DLGAP1: variants seen among roughly 807,000 people sequenced by gnomAD.
DLGAP1 encodes DLG associated protein 1.
DLGAP1 carries 11 observed loss-of-function variants against 90.8 expected under a neutral mutation model. The observed-to-expected ratio is 0.12, with a 90% CI of 0.08 to 0.20. The LOEUF is 0.20. Ranked by LOEUF, DLGAP1 falls within the 10% of genes least tolerant of loss-of-function variation. The probability of loss-of-function intolerance (pLI) is 1.00; values close to 1 mark genes in which losing one functional copy is unlikely to be tolerated. For missense variants in DLGAP1, 1,050 were observed against 1,333.8 expected (o/e 0.79, Z 3.31); for synonymous variants, 558 against 540.7 (o/e 1.03, Z -0.44).
At position 3,880,008 on chromosome 18, in the gene DLGAP1, C is replaced by G; in HGVS notation, c.61G>C (p.Asp21His). 11 of 1,610,016 alleles carry G rather than the reference C, an allele frequency of 6.8e-6. No individual in the cohort carries two copies. The highest frequency in any genetic ancestry group is 9.3e-6 in the Non-Finnish European group (11 of 1,179,902). ...CGGTCGGAGTGGTGCGACAGCGAGT[C>G]ACAGGCCGAGTCGCAGGTGACCCCG... is the stretch of plus-strand genomic sequence containing the variant. Reference protein sequence around the residue: ...HHGVTCDSACDSLSHHSDRKP... With the variant: ...HHGVTCDSACHSLSHHSDRKP... Residue 21 changes from aspartate to histidine, a missense_variant, in exon 4 of 13, where the codon GAC becomes CAC. Transcript: ENST00000315677.
At chr18:3,604,473 TACAC>T (rs1385139602) in intron 7 of DLGAP1, 4 of 149,700 alleles carry the variant, frequency 2.7e-5, no homozygotes, top group Non-Finnish European at 5.9e-5. Flanking sequence ...CACACACACA[TACAC>T]ACAAAAGAAT....
intron 1 of DLGAP1, among the ~76,000 whole-genome samples, chr18:4,414,056 T>C (rs773899567): frequency 3.3e-5 from 5 of 152,212 alleles, no homozygotes; most frequent in African/African-American, 4.8e-5. Context: ...ACACTGACTA[T>C]GTGAAGCTGG....
At chr18:4,313,178 C>T (rs991290478) in intron 1 of DLGAP1, among the ~76,000 whole-genome samples, 4 of 151,998 alleles carry the variant, frequency 2.6e-5, no homozygotes, top group African/African-American at 9.7e-5. Context: ...TGTCACTGCA[C>T]GAAGCTTGTA....
chr18:4,206,509 T>A (rs1039356536), intron 1 of DLGAP1, among the ~76,000 whole-genome samples: 3 of 152,106 alleles, frequency 2.0e-5, no homozygotes, highest in Non-Finnish European at 4.4e-5. Flanking sequence ...GTGATGCCCA[T>A]GGGAGGGAAA....
At chr18:3,970,670 C>G (rs1046790455) in intron 3 of DLGAP1, among the ~76,000 whole-genome samples, 4 of 152,242 alleles carry the variant, frequency 2.6e-5, no homozygotes, top group East Asian at 3.9e-4. Context: ...CAGTTTCACT[C>G]TTAGTTTTTA....
intron 4 of DLGAP1, among the ~76,000 whole-genome samples, chr18:3,849,177 T>C (rs1419497839): frequency 6.6e-6 from 1 of 152,226 alleles, no homozygotes; most frequent in Non-Finnish European, 1.5e-5. Flanking sequence ...GGGCATGCTT[T>C]GCTGAACATC....
At chr18:4,121,579 C>A (rs1227471453) in intron 2 of DLGAP1, among the ~76,000 whole-genome samples, 4 of 152,032 alleles carry the variant, frequency 2.6e-5, no homozygotes, top group African/African-American at 9.7e-5. Context: ...CCTGTTAGGT[C>A]AATTTAGCCA....
chr18:4,003,780 T>C (rs2074246497), intron 3 of DLGAP1, among the ~76,000 whole-genome samples: 1 of 152,154 alleles, frequency 6.6e-6, no homozygotes, highest in African/African-American at 2.4e-5. Flanking sequence ...ATAAGTGTAT[T>C]TATCTTCACT....
intron 4 of DLGAP1, among the ~76,000 whole-genome samples, chr18:3,854,482 GA>G (rs1162779237): frequency 2.0e-5 from 3 of 152,158 alleles, no homozygotes; most frequent in African/African-American, 7.2e-5. Context: ...GAGCGATTTA[GA>G]AACAAGTTGT....
chr18:4,259,312 T>G (rs62086525), intron 1 of DLGAP1, among the ~76,000 whole-genome samples: 3,158 of 152,300 alleles, frequency 0.021, 38 homozygotes, highest in East Asian at 0.042. Flanking sequence ...TGGAACAAAC[T>G]GAAAGATGTA....
chr18:3,641,586 T>TATACAC (rs377536387), intron 7 of DLGAP1, among the ~76,000 whole-genome samples: 178 of 135,488 alleles, frequency 1.3e-3, no homozygotes, highest in East Asian at 0.012. Context: ...CATATATATA[T>TATACAC]ACACACACAC....
chr18:3,613,668 CT>C (rs1454904949), intron 7 of DLGAP1, among the ~76,000 whole-genome samples: 1 of 152,106 alleles, frequency 6.6e-6, no homozygotes, highest in Non-Finnish European at 1.5e-5. Flanking sequence ...GCCCAGTACT[CT>C]TAGGAAGTAT....
chr18:4,174,321 T>C (rs1053861736), intron 1 of DLGAP1, among the ~76,000 whole-genome samples: 2 of 149,398 alleles, frequency 1.3e-5, no homozygotes, highest in Admixed American at 1.3e-4. Flanking sequence ...TCATTGTTTT[T>C]ATTTTATTTT....
intron 10 of DLGAP1, among the ~76,000 whole-genome samples, chr18:3,520,771 T>C (rs1006016066): frequency 6.6e-6 from 1 of 152,230 alleles, no homozygotes; most frequent in African/African-American, 2.4e-5. Flanking sequence ...TAGCAAATTA[T>C]TACATTCCCT....
intron 2 of DLGAP1, among the ~76,000 whole-genome samples, chr18:4,050,608 G>A (rs1461419686): frequency 5.3e-5 from 8 of 152,190 alleles, no homozygotes; most frequent in African/African-American, 1.7e-4. Context: ...TCTTAGGAAC[G>A]TCAGTTCCAG....
intron 3 of DLGAP1, among the ~76,000 whole-genome samples, chr18:3,883,010 G>A (rs959575010): frequency 1.3e-5 from 2 of 152,178 alleles, no homozygotes; most frequent in Non-Finnish European, 2.9e-5. Context: ...TTGGGGGGCC[G>A]AGGCAGGCGA....
At chr18:3,999,024 CAA>C (rs1422401578) in intron 3 of DLGAP1, among the ~76,000 whole-genome samples, 1 of 152,004 alleles carries the variant, frequency 6.6e-6, no homozygotes, top group Non-Finnish European at 1.5e-5. Context: ...TGTAATAATG[CAA>C]AGTTTTACAT....
intron 7 of DLGAP1, among the ~76,000 whole-genome samples, chr18:3,726,837 G>A (rs947234438): frequency 6.6e-6 from 1 of 152,174 alleles, no homozygotes; most frequent in South Asian, 2.1e-4. Context: ...TTCCCCAAGA[G>A]AGTTGAAGGT....
At chr18:4,316,449 A>C (rs2080529329) in intron 1 of DLGAP1, among the ~76,000 whole-genome samples, 1 of 152,176 alleles carries the variant, frequency 6.6e-6, no homozygotes, top group African/African-American at 2.4e-5. Context: ...GCACAGTTGT[A>C]GTTAGCAAGC....
Sources: allele counts gnomAD v4.1 joint callset (sites outside exome capture counted in the v4.1 genomes callset), GRCh38; gene constraint gnomAD v4.1.1; transcripts MANE v1.5; gene names NCBI Gene and HGNC (gene_info 2026-07-23, HGNC 2026-07-21).